Variants in ANKS1B observed in about 807,000 individuals in gnomAD.
ANKS1B encodes the protein ankyrin repeat and sterile alpha motif domain-containing protein 1B.
ANKS1B carries 36 observed loss-of-function variants against 148.3 expected under a neutral mutation model. The ratio of observed to expected loss-of-function variants is 0.24; its 90% CI spans 0.19 to 0.32. The LOEUF is 0.32. ANKS1B is among the 10% of genes least tolerant of loss of function. The probability of loss-of-function intolerance (pLI) is 1.00; values close to 1 mark genes in which losing one functional copy is unlikely to be tolerated. For synonymous variants in ANKS1B, 542 were observed against 560.8 expected (o/e 0.97, Z 0.47); for missense variants, 1,157 against 1,542.6 (o/e 0.75, Z 4.19).
chr12:98,944,477 A>G (rs1370929271), intron 17 of ANKS1B, among the ~76,000 whole-genome samples: 1 of 152,142 alleles, frequency 6.6e-6, no homozygotes, highest in African/African-American at 2.4e-5. Flanking sequence ...TTTCTTAATA[A>G]GTTACTCAGC....
intron 1 of ANKS1B, among the ~76,000 whole-genome samples, chr12:99,829,133 A>G (rs2083583969): frequency 6.6e-6 from 1 of 152,216 alleles, no homozygotes; most frequent in Non-Finnish European, 1.5e-5. Flanking sequence ...TCTTAAAGTC[A>G]AAACACAGAA....
intron 12 of ANKS1B, among the ~76,000 whole-genome samples, chr12:99,290,378 A>G (rs997156046): frequency 1.3e-5 from 2 of 151,880 alleles, no homozygotes; most frequent in African/African-American, 2.4e-5. Flanking sequence ...TACTCAAACA[A>G]TTCTGAAAAA....
At chr12:99,163,116 T>C (rs79948775) in intron 14 of ANKS1B, among the ~76,000 whole-genome samples, 11,185 of 152,184 alleles carry the variant, frequency 0.073, 956 homozygotes, top group African/African-American at 0.21. Context: ...TGGTTATTTG[T>C]AAAAAGTTAA....
At chr12:98,747,613 CAAAAG>C (rs2097924604) in intron 26 of ANKS1B, among the ~76,000 whole-genome samples, 1 of 152,096 alleles carries the variant, frequency 6.6e-6, no homozygotes, top group Non-Finnish European at 1.5e-5. Flanking sequence ...CGTATATATA[CAAAAG>C]AAAAGAAATC....
chr12:98,740,945 A>G (rs2097795450), downstream of ANKS1B, among the ~76,000 whole-genome samples: 4 of 152,280 alleles, frequency 2.6e-5, no homozygotes, highest in South Asian at 8.3e-4. Flanking sequence ...TTTTGTGACA[A>G]TGAGGCAATC....
intron 12 of ANKS1B, among the ~76,000 whole-genome samples, chr12:99,351,697 A>G (rs1211148343): frequency 6.6e-6 from 1 of 152,062 alleles, no homozygotes; most frequent in Non-Finnish European, 1.5e-5. Context: ...AGGTGCTCAA[A>G]TTGGTGGCTT....
rs1095787 is a variant in ANKS1B at position 99,856,946 on chromosome 12, T to G, written c.135-31557A>C. ...AACATTATACTGAACAGGAAAATGT[T>G]GAAAGCATTACTGCTAAGAACTGGA... On this transcript the variant is annotated intron_variant, in intron 1 of 26. Coordinates refer to ENST00000683438, the MANE Select transcript of ANKS1B (RefSeq NM_001352186.2). 9.4e-3 allele frequency among the ~76,000 whole-genome samples: 1,425 copies of G among 152,298 alleles called. 8 individuals carry two copies. Among genetic ancestry groups the G allele is most frequent in the Non-Finnish European group, 0.015 (1,049 of 68,008 alleles).
chr12:99,258,545 T>C (rs771495788), intron 12 of ANKS1B, among the ~76,000 whole-genome samples: 1 of 151,688 alleles, frequency 6.6e-6, no homozygotes, highest in African/African-American at 2.4e-5. Flanking sequence ...ACTGTCAACT[T>C]GTCTCAACAA....
chr12:99,346,540 G>A (rs1423132475), intron 12 of ANKS1B, among the ~76,000 whole-genome samples: 3 of 151,868 alleles, frequency 2.0e-5, no homozygotes, highest in African/African-American at 7.3e-5. Flanking sequence ...CTTAAAATAT[G>A]TTATGAAGGC....
At chr12:99,736,014 A>T (rs1394868278) in intron 8 of ANKS1B, among the ~76,000 whole-genome samples, 2 of 151,988 alleles carry the variant, frequency 1.3e-5, no homozygotes, top group South Asian at 2.1e-4. Flanking sequence ...GACAAAAATG[A>T]TATGATCATT....
intron 11 of ANKS1B, among the ~76,000 whole-genome samples, chr12:99,416,727 T>C (rs1019698045): frequency 6.6e-6 from 1 of 152,254 alleles, no homozygotes; most frequent in Admixed American, 6.5e-5. Flanking sequence ...GAGAGTGCTT[T>C]ATAAGTTCTA....
At chr12:99,704,473 C>A (rs768388122) in intron 8 of ANKS1B, among the ~76,000 whole-genome samples, 1 of 152,072 alleles carries the variant, frequency 6.6e-6, no homozygotes, top group Non-Finnish European at 1.5e-5. Flanking sequence ...GAAATATATA[C>A]ACATATTAGA....
At chr12:98,996,870 C>T (rs1218985249) in intron 17 of ANKS1B, among the ~76,000 whole-genome samples, 2 of 148,998 alleles carry the variant, frequency 1.3e-5, no homozygotes, top group African/African-American at 4.9e-5. Flanking sequence ...TGAACACTTC[C>T]CAGTGTTTGT....
chr12:99,659,825 CATACTACAAATCAGTCCAGATT>C (rs1381779565), intron 8 of ANKS1B, among the ~76,000 whole-genome samples: 1 of 152,164 alleles, frequency 6.6e-6, no homozygotes, highest in Non-Finnish European at 1.5e-5. Context: ...TTTGCAAGAT[CATACTACAAATCAGTCCAGATT>C]ATAATCCAAG....
chr12:98,944,145 C>G (rs2099841389), intron 17 of ANKS1B, among the ~76,000 whole-genome samples: 2 of 151,962 alleles, frequency 1.3e-5, no homozygotes, highest in African/African-American at 2.4e-5. Context: ...ACTACAAATA[C>G]AAAAACTAGC....
At chr12:99,446,679 T>C (rs1309961221) in intron 10 of ANKS1B, among the ~76,000 whole-genome samples, 1 of 151,974 alleles carries the variant, frequency 6.6e-6, no homozygotes, top group Non-Finnish European at 1.5e-5. Flanking sequence ...CTGAAGAAGA[T>C]CGGCATAGTT....
chr12:99,676,488 G>A (rs1037119812), intron 8 of ANKS1B, among the ~76,000 whole-genome samples: 1 of 152,152 alleles, frequency 6.6e-6, no homozygotes, highest in Non-Finnish European at 1.5e-5. Context: ...TTGTTGAAAT[G>A]TTCATCAGAA....
intron 14 of ANKS1B, among the ~76,000 whole-genome samples, chr12:99,188,162 G>A (rs1220026132): frequency 6.6e-6 from 1 of 152,142 alleles, no homozygotes; most frequent in Admixed American, 6.6e-5. Flanking sequence ...AAATATATAT[G>A]CACTCAATAG....
At chr12:99,980,124 A>G (rs867719562) in intron 1 of ANKS1B, among the ~76,000 whole-genome samples, 11 of 151,928 alleles carry the variant, frequency 7.2e-5, no homozygotes, top group Non-Finnish European at 1.5e-4. Flanking sequence ...TTTTAAAAGT[A>G]CCAGAAAGGG....
Sources: gnomAD v4.1 joint callset for allele counts (sites outside exome capture counted in the v4.1 genomes callset) on GRCh38, gnomAD v4.1.1 for gene constraint, MANE v1.5 for transcripts, NCBI Gene and HGNC (gene_info 2026-07-23, HGNC 2026-07-21) for gene names.